Variants in NELL2 observed in about 807,000 individuals in gnomAD.
NELL2 encodes the protein neural EGFL like 2.
NELL2 carries 41 observed loss-of-function variants against 109.6 expected under a neutral mutation model. The ratio of observed to expected loss-of-function variants is 0.37; its 90% CI spans 0.29 to 0.49. NELL2 has a LOEUF of 0.49. Ranked by LOEUF, NELL2 falls within the 20% of genes least tolerant of loss-of-function variation. The pLI is 0.98. For missense variants in NELL2, 900 were observed against 1,008.3 expected (o/e 0.89, Z 1.45); for synonymous variants, 355 against 344.7 (o/e 1.03, Z -0.33).
At chr12:44,711,489 C>G (rs1938200675) in intron 10 of NELL2, 95 bp from the exon 11 acceptor site, 2 of 1,090,954 alleles carry the variant, frequency 1.8e-6, no homozygotes, top group Non-Finnish European at 2.7e-6. Context: ...CTTTTAAGAT[C>G]AAGAAATTTT....
At chr12:44,600,189 T>G (rs1054032936) in intron 15 of NELL2, among the ~76,000 whole-genome samples, 5 of 148,192 alleles carry the variant, frequency 3.4e-5, no homozygotes, top group African/African-American at 1.2e-4. Context: ...TATTGTATTT[T>G]TAGTAGAAAT....
intron 1 of NELL2, among the ~76,000 whole-genome samples, chr12:44,910,531 C>T (rs1450930430): frequency 6.6e-6 from 1 of 151,948 alleles, no homozygotes; most frequent in Non-Finnish European, 1.5e-5. Flanking sequence ...AGTTCAACCA[C>T]TGTGGAATAC....
At chr12:44,908,419 A>T (rs1945744122) in intron 1 of NELL2, among the ~76,000 whole-genome samples, 1 of 152,006 alleles carries the variant, frequency 6.6e-6, no homozygotes, top group African/African-American at 2.4e-5. Context: ...ATAAACTGGA[A>T]AGATAAGAGT....
upstream of NELL2, among the ~76,000 whole-genome samples, chr12:44,879,863 C>T (rs1222797380): frequency 6.6e-6 from 1 of 151,886 alleles, no homozygotes; most frequent in Admixed American, 6.6e-5. Context: ...TGTCAAATCT[C>T]AAGCTTTGCC....
chr12:44,869,504 C>A (rs538965518), intron 2 of NELL2, among the ~76,000 whole-genome samples: 2 of 152,246 alleles, frequency 1.3e-5, no homozygotes, highest in East Asian at 3.9e-4. Context: ...CTCACTGATT[C>A]TTTCAGGCCA....
At chr12:44,624,085 G>A (rs936693227) in intron 13 of NELL2, among the ~76,000 whole-genome samples, 5 of 152,116 alleles carry the variant, frequency 3.3e-5, no homozygotes, top group African/African-American at 1.2e-4. Flanking sequence ...GTATACCCAT[G>A]TAACAAAACT....
chr12:44,803,756 A>T (rs1232472713), intron 3 of NELL2, among the ~76,000 whole-genome samples: 1 of 152,024 alleles, frequency 6.6e-6, no homozygotes, highest in Non-Finnish European at 1.5e-5. Context: ...AATGAAAAAT[A>T]ATATTTAGAA....
intron 2 of NELL2, among the ~76,000 whole-genome samples, chr12:44,837,254 G>A (rs1944081574): frequency 1.3e-5 from 2 of 152,162 alleles, no homozygotes; most frequent in Non-Finnish European, 2.9e-5. Flanking sequence ...CTCAATCTCT[G>A]CAATATTCAC....
intron 1 of NELL2, among the ~76,000 whole-genome samples, chr12:44,920,989 G>A (rs988944014): frequency 2.0e-5 from 3 of 152,118 alleles, no homozygotes; most frequent in African/African-American, 7.2e-5. Flanking sequence ...TCTTAAGAGA[G>A]TAACACTTTA....
chr12:44,517,836 C>T (rs113871304), intron 19 of NELL2, among the ~76,000 whole-genome samples: 27 of 152,094 alleles, frequency 1.8e-4, no homozygotes, highest in African/African-American at 4.3e-4. Flanking sequence ...ATGCCCCACA[C>T]GGTGTGTATT....
intron 9 of NELL2, among the ~76,000 whole-genome samples, chr12:44,743,193 C>T (rs888153468): frequency 6.6e-6 from 1 of 152,180 alleles, no homozygotes; most frequent in Admixed American, 6.5e-5. Flanking sequence ...TTCATATCCA[C>T]CCAAACTAAG....
intron 15 of NELL2, among the ~76,000 whole-genome samples, chr12:44,567,292 T>C (rs1008199989): frequency 1.3e-5 from 2 of 152,202 alleles, no homozygotes; most frequent in Non-Finnish European, 2.9e-5. Context: ...TCTATTGGTT[T>C]TTAGATACCT....
At chr12:44,657,003 T>G (rs967782061) in intron 13 of NELL2, among the ~76,000 whole-genome samples, 3 of 152,228 alleles carry the variant, frequency 2.0e-5, no homozygotes, top group African/African-American at 7.2e-5. Context: ...GGTATTATTT[T>G]AAATAAATTA....
At chr12:44,683,093 A>G (rs910529873) in intron 12 of NELL2, among the ~76,000 whole-genome samples, 37 of 152,034 alleles carry the variant, frequency 2.4e-4, no homozygotes, top group African/African-American at 8.7e-4. Flanking sequence ...CTTTTATTTC[A>G]TTGAGTAGTG....
At chr12:44,563,417 T>C (rs769953985) in intron 15 of NELL2, among the ~76,000 whole-genome samples, 33 of 152,112 alleles carry the variant, frequency 2.2e-4, no homozygotes, top group Non-Finnish European at 4.1e-4. Flanking sequence ...AAATTCTAAA[T>C]CCTGAATTTG....
chr12:44,679,848 T>C (rs967995006), intron 12 of NELL2, among the ~76,000 whole-genome samples: 1 of 152,150 alleles, frequency 6.6e-6, no homozygotes, highest in Non-Finnish European at 1.5e-5. Context: ...AATTCCTACA[T>C]AGTATCTTCC....
chr12:44,704,086 T>C (rs1592366726), intron 11 of NELL2, among the ~76,000 whole-genome samples: 1 of 152,178 alleles, frequency 6.6e-6, no homozygotes, highest in East Asian at 1.9e-4. Flanking sequence ...TTGTGGTTTT[T>C]GACTTTATAA....
At chr12:44,565,537 G>A (rs1333197995) in intron 15 of NELL2, among the ~76,000 whole-genome samples, 3 of 152,140 alleles carry the variant, frequency 2.0e-5, no homozygotes, top group Non-Finnish European at 4.4e-5. Context: ...GAAAATCTGT[G>A]AGAGGGAGAG....
At chr12:44,707,245 T>C (rs1466725662) in intron 11 of NELL2, among the ~76,000 whole-genome samples, 4 of 152,148 alleles carry the variant, frequency 2.6e-5, no homozygotes, top group African/African-American at 7.2e-5. Flanking sequence ...GGGCATATTA[T>C]CTACTTCAAG....
Sources: gnomAD v4.1 joint callset for allele counts (sites outside exome capture counted in the v4.1 genomes callset) on GRCh38, gnomAD v4.1.1 for gene constraint, MANE v1.5 for transcripts, NCBI Gene and HGNC (gene_info 2026-07-23, HGNC 2026-07-21) for gene names.